The following SMAD3 variants were observed in gnomAD, a reference collection of about 807,000 sequenced individuals.
SMAD3 encodes SMAD family member 3.
SMAD3 carries 12 observed loss-of-function variants against 51.8 expected under a neutral mutation model. That is an observed-to-expected ratio of 0.23 (90% CI 0.15 to 0.38). SMAD3 has a LOEUF of 0.38. Ranked by LOEUF, SMAD3 falls within the 10% of genes least tolerant of loss-of-function variation. The pLI is 1.00. For missense variants in SMAD3, 294 were observed against 565.6 expected, an observed-to-expected ratio of 0.52 and a Z score of 4.87; for synonymous variants, 238 against 227.7, an observed-to-expected ratio of 1.05 and a Z score of -0.41.
At chr15:67,152,853 C>G (rs1183974781) in intron 1 of SMAD3, among the ~76,000 whole-genome samples, 1 of 152,128 alleles carries the variant, frequency 6.6e-6, no homozygotes, top group Non-Finnish European at 1.5e-5. Flanking sequence ...AAGACCAAAG[C>G]TATTAAATAG....
chr15:67,101,566 TG>T (rs1960758744), intron 1 of SMAD3, among the ~76,000 whole-genome samples: 1 of 152,190 alleles, frequency 6.6e-6, no homozygotes, highest in African/African-American at 2.4e-5. Flanking sequence ...ATGATGCCAC[TG>T]GAACAGGCTG....
intron 1 of SMAD3, among the ~76,000 whole-genome samples, chr15:67,158,794 A>C (rs1477369698): frequency 6.6e-6 from 1 of 152,104 alleles, no homozygotes; most frequent in African/African-American, 2.4e-5. Flanking sequence ...ACTCACTGTG[A>C]CCCTCCTGAC....
chr15:67,092,355 C>A (rs1960525111), intron 1 of SMAD3, among the ~76,000 whole-genome samples: 1 of 152,194 alleles, frequency 6.6e-6, no homozygotes, highest in Non-Finnish European at 1.5e-5. Context: ...AGTAGATGAA[C>A]CGCATTTAAC....
chr15:67,110,636 G>A (rs1175354379), intron 1 of SMAD3, among the ~76,000 whole-genome samples: 1 of 152,228 alleles, frequency 6.6e-6, no homozygotes, highest in Non-Finnish European at 1.5e-5. Flanking sequence ...GTGACATCCA[G>A]CCCTGTGTGG....
intron 8 of SMAD3, among the ~76,000 whole-genome samples, chr15:67,190,078 C>G (rs78629519): frequency 6.6e-6 from 1 of 152,032 alleles, no homozygotes; most frequent in Admixed American, 6.5e-5. Context: ...TGGAGGTCTC[C>G]TCTATTAGGG....
chr15:67,177,071 C>G (rs1962919108), intron 5 of SMAD3, among the ~76,000 whole-genome samples: 1 of 152,154 alleles, frequency 6.6e-6, no homozygotes, highest in Non-Finnish European at 1.5e-5. Flanking sequence ...GAAACCAGAT[C>G]TTAATTTGCT....
chr15:67,094,987 T>G (rs1960585859), intron 1 of SMAD3, among the ~76,000 whole-genome samples: 1 of 152,124 alleles, frequency 6.6e-6, no homozygotes, highest in Non-Finnish European at 1.5e-5. Context: ...TGAGCCTCAG[T>G]TTCTCCAGCA....
intron 1 of SMAD3, among the ~76,000 whole-genome samples, chr15:67,123,401 A>G (rs1322977465): frequency 6.6e-6 from 1 of 152,226 alleles, no homozygotes; most frequent in Non-Finnish European, 1.5e-5. Context: ...CGGGAGGCTA[A>G]GGCAGGAGAA....
chr15:67,156,403 A>G (rs757749279), intron 1 of SMAD3, among the ~76,000 whole-genome samples: 16 of 152,168 alleles, frequency 1.1e-4, no homozygotes, highest in Non-Finnish European at 1.8e-4. Context: ...GTCCTTCTGA[A>G]ATGGTTAAGT....
intron 1 of SMAD3, among the ~76,000 whole-genome samples, chr15:67,069,205 A>G (rs980806022): frequency 5.3e-5 from 8 of 152,204 alleles, no homozygotes; most frequent in African/African-American, 1.9e-4. Context: ...CTGGCGTGAT[A>G]CACACTTATC....
intron 1 of SMAD3, among the ~76,000 whole-genome samples, chr15:67,158,556 T>C (rs895525486): frequency 2.0e-5 from 3 of 152,232 alleles, no homozygotes; most frequent in African/African-American, 7.2e-5. Flanking sequence ...CTCCTTGCTA[T>C]CAGAACCCAG....
intron 1 of SMAD3, among the ~76,000 whole-genome samples, chr15:67,089,048 C>G (rs1960456493): frequency 1.3e-5 from 2 of 152,152 alleles, no homozygotes; most frequent in African/African-American, 4.8e-5. Flanking sequence ...GCACCCTGGC[C>G]CACACAGTTC....
chr15:67,138,263 C>A (rs989430103), intron 1 of SMAD3: 34 of 601,080 alleles, frequency 5.7e-5, no homozygotes, highest in African/African-American at 4.8e-4. Context: ...TGTAGGAAAC[C>A]CCCTGTGTGG....
At chr15:67,181,555 G>T (rs928593126) in intron 6 of SMAD3, 102 bp downstream of exon 6, 7 of 1,001,084 alleles carry the variant, frequency 7.0e-6, no homozygotes, top group Non-Finnish European at 1.0e-5. Context: ...GGAACCTTGC[G>T]TCCATCCTTA....
rs1960790107 is a variant in SMAD3, at chr15:67,102,800, GA to G, written c.206+36441del. Reference sequence around the variant, plus strand: ...TTGGTATTTAAAGTTCTTTGGAAGTGACCGCTTTCTGGATTTACCTCTGTGC... The same window carrying G: ...TTGGTATTTAAAGTTCTTTGGAAGTGCCGCTTTCTGGATTTACCTCTGTGC... On this transcript the variant is annotated intron_variant, in intron 1 of 8. Coordinates refer to ENST00000327367, the MANE Select transcript of SMAD3 (RefSeq NM_005902.4). Among the ~76,000 whole-genome samples, 4 of 152,136 alleles carry G rather than the reference GA, an allele frequency of 2.6e-5. No homozygotes were observed. In the South Asian group the frequency reaches 8.3e-4, roughly 32 times the overall value.
At chr15:67,174,534 A>C (rs565788441) in intron 5 of SMAD3, 18 of 152,610 alleles carry the variant, frequency 1.2e-4, no homozygotes, top group African/African-American at 4.3e-4. Context: ...TGGATTTGGC[A>C]TCAGGGTTTC....
chr15:67,160,770 C>CAAAAAAAAAAAA lies in SMAD3; in HGVS notation c.207-4094_207-4083dup, dbSNP rs547354315. On this transcript the variant is annotated intron_variant, in intron 1 of 8. Transcript: ENST00000327367. ...TGGGCGACAGAGCGAGACTCCATCT[C>CAAAAAAAAAAAA]AAAAAAAAAAAAAAAAAAAAAAAAA... is the stretch of plus-strand genomic sequence containing the variant. 1.8e-4 allele frequency among the ~76,000 whole-genome samples: 11 copies of CAAAAAAAAAAAA among 61,040 alleles called. 1 individual carries two copies. Among genetic ancestry groups the CAAAAAAAAAAAA allele is most frequent in the African/African-American group, 5.1e-4 (7 of 13,628 alleles). 40.0% of individuals were successfully genotyped at this position (61,040 alleles called of 152,430 possible). A position where few individuals can be genotyped will look rare whatever the true frequency, so the allele number is the denominator to read the frequency against.
intron 1 of SMAD3, among the ~76,000 whole-genome samples, chr15:67,105,940 C>G (rs1960867768): frequency 6.6e-6 from 1 of 152,178 alleles, no homozygotes; most frequent in Admixed American, 6.5e-5. Context: ...TCCAGGCCTC[C>G]CCTTCCCAGT....
rs56204991 is a variant in SMAD3, at chr15:67,165,151, C to A, written c.400+63C>A. On this transcript the variant is annotated intron_variant, in intron 2 of 8. Coordinates refer to ENST00000327367, the MANE Select transcript of SMAD3 (RefSeq NM_005902.4). ...CAGGGGTCATCACCTCTCCCCGGCTCCCCATCCCCCCGAGGGTCTGCGGTG... is the reference window on the plus strand; with the variant it reads ...CAGGGGTCATCACCTCTCCCCGGCTACCCATCCCCCCGAGGGTCTGCGGTG... The A allele has an allele frequency of 8.1e-5, 129 of 1,599,832 alleles. No homozygotes were observed. In the African/African-American group the frequency reaches 1.6e-3, roughly 20 times the overall value.
Sources: allele counts gnomAD v4.1 joint callset (sites outside exome capture counted in the v4.1 genomes callset), GRCh38; gene constraint gnomAD v4.1.1; transcripts MANE v1.5; gene names NCBI Gene and HGNC (gene_info 2026-07-23, HGNC 2026-07-21).